Variants in LAMA3 observed in about 807,000 individuals in gnomAD.
The protein encoded by LAMA3 is laminin subunit alpha-3.
A neutral mutation model predicts 402.0 loss-of-function variants in LAMA3; 281 were observed. That is an observed-to-expected ratio of 0.70 (90% CI 0.63 to 0.77). LAMA3 has a LOEUF of 0.77. Among genes scored for constraint, LAMA3 ranks in the 30% least tolerant of loss-of-function variants. The pLI is 0.00. For synonymous variants in LAMA3, 1,431 were observed against 1,558.4 expected (o/e 0.92, Z 1.93); for missense variants, 3,840 against 4,215.5 (o/e 0.91, Z 2.47).
chr18:23,934,326 C>T (rs889001324), intron 67 of LAMA3, among the ~76,000 whole-genome samples: 2 of 152,104 alleles, frequency 1.3e-5, no homozygotes, highest in African/African-American at 4.8e-5. Context: ...TGACAAGATA[C>T]GTGGTGTACC....
chr18:23,891,212 C>T (rs1297812462), intron 42 of LAMA3, among the ~76,000 whole-genome samples: 2 of 152,136 alleles, frequency 1.3e-5, no homozygotes, highest in African/African-American at 4.8e-5. Flanking sequence ...GATTTTTAGG[C>T]TGACTCAGTG....
chr18:23,773,304 A>G (rs2062241790), intron 8 of LAMA3, among the ~76,000 whole-genome samples, 193 bp from the exon 9 acceptor site: 1 of 152,276 alleles, frequency 6.6e-6, no homozygotes. Context: ...AAAAAATTCC[A>G]GAGCCAAGAT....
intron 1 of LAMA3, among the ~76,000 whole-genome samples, chr18:23,712,950 C>G (rs1265833472): frequency 1.3e-5 from 2 of 151,692 alleles, no homozygotes; most frequent in Non-Finnish European, 2.9e-5. Context: ...ATCCTCTGAC[C>G]CACTTAAAAT....
chr18:23,726,308 G>A (rs1364271075), intron 2 of LAMA3, among the ~76,000 whole-genome samples: 2 of 152,254 alleles, frequency 1.3e-5, no homozygotes, highest in Non-Finnish European at 2.9e-5. Flanking sequence ...GGGCAAGAGC[G>A]CCCAGCCAGA....
chr18:23,741,110 C>T lies in LAMA3; in HGVS notation c.448-6833C>T, dbSNP rs531077440. ...CTGGGGCTACAGGTGCCTGCCACCACGCCTGGCTAATTTTTTTTTGTATTT... is the reference window on the plus strand; with the variant it reads ...CTGGGGCTACAGGTGCCTGCCACCATGCCTGGCTAATTTTTTTTTGTATTT... On this transcript the variant is annotated intron_variant, in intron 2 of 74. Coordinates refer to ENST00000313654, the MANE Select transcript of LAMA3 (RefSeq NM_198129.4). Among the ~76,000 whole-genome samples the T allele has an allele frequency of 2.1e-4, 32 of 152,124 alleles. No individual in the cohort carries two copies. In the South Asian group the frequency reaches 5.6e-3, roughly 27 times the overall value.
chr18:23,814,366 C>G, intron 14 of LAMA3, 37 bp from the exon 15 acceptor site: 2 of 1,430,404 alleles, frequency 1.4e-6, no homozygotes, highest in Non-Finnish European at 2.0e-6. Flanking sequence ...TGTCTTAATT[C>G]CAAGATGTCA....
intron 46 of LAMA3, 61 bp from the exon 47 acceptor site, chr18:23,899,227 T>G (rs1319999124): frequency 1.4e-5 from 21 of 1,476,258 alleles, no homozygotes; most frequent in Admixed American, 3.9e-5. Context: ...CTTTTTTTTT[T>G]TTTAAGTAGC....
chr18:23,842,549 C>T (rs762926329), intron 28 of LAMA3, 28 bp downstream of exon 28: 2 of 1,614,228 alleles, frequency 1.2e-6, no homozygotes, highest in Non-Finnish European at 1.7e-6. Flanking sequence ...GGCCCTGCTG[C>T]CTGCCTCAGG....
chr18:23,735,103 G>T (rs1568126451), intron 2 of LAMA3, among the ~76,000 whole-genome samples: 1 of 152,218 alleles, frequency 6.6e-6, no homozygotes, highest in Non-Finnish European at 1.5e-5. Context: ...GAAGGAAAGG[G>T]TTCCTCGTAG....
At chr18:23,910,957 A>C (rs2081405463) in intron 55 of LAMA3, among the ~76,000 whole-genome samples, 1 of 152,238 alleles carries the variant, frequency 6.6e-6, no homozygotes, top group Non-Finnish European at 1.5e-5. Flanking sequence ...ATGGGAATCC[A>C]GATCCAGAGT....
In LAMA3 at chr18:23,909,188, C is replaced by G; in HGVS notation, c.7051C>G (p.Arg2351Gly). 2 of 1,613,900 alleles carry G rather than the reference C, an allele frequency of 1.2e-6. No individual in the cohort carries two copies. Among genetic ancestry groups the G allele is most frequent in the Non-Finnish European group, 1.7e-6 (2 of 1,179,900 alleles). ...AACCAACAAACTACCTGATCTTTGG[C>G]GCAAGATTGAAAGTATCAACCAACA... ...KLTNKLPDLWRKIESINQQLL... is the reference protein window; with the variant it reads ...KLTNKLPDLWGKIESINQQLL... The change falls in exon 55 of 75, where the codon CGC (arginine) becomes GGC (glycine). Residue 2351 changes from arginine (R) to glycine (G), a missense_variant. Arg to Gly is a moderately radical substitution (Grantham distance 125, BLOSUM62 -2). Transcript: ENST00000313654.
intron 2 of LAMA3, among the ~76,000 whole-genome samples, chr18:23,733,728 G>A (rs762026874): frequency 5.3e-5 from 8 of 152,120 alleles, no homozygotes; most frequent in Non-Finnish European, 1.0e-4. Flanking sequence ...TGAGATTGAG[G>A]GGTTTTGGAG....
intron 25 of LAMA3, among the ~76,000 whole-genome samples, chr18:23,837,570 G>GATATATATATATATAT (rs56179962): frequency 0.065 from 5,411 of 82,902 alleles, 473 homozygotes; most frequent in African/African-American, 0.085. Flanking sequence ...CAGTTAATCA[G>GATATATATATATATAT]ATATATATAT....
intron 37 of LAMA3, among the ~76,000 whole-genome samples, chr18:23,868,626 A>C (rs2064426925): frequency 6.6e-6 from 1 of 152,188 alleles, no homozygotes; most frequent in Admixed American, 6.5e-5. Flanking sequence ...AAACAAACAA[A>C]CAAAAAACCT....
At chr18:23,926,282 C>A (rs2082000070) in intron 62 of LAMA3, among the ~76,000 whole-genome samples, 1 of 152,334 alleles carries the variant, frequency 6.6e-6, no homozygotes, top group Non-Finnish European at 1.5e-5. Context: ...GCCTTTCTCT[C>A]CTACTATTTT....
chr18:23,832,395 A>G (rs2063505622), intron 23 of LAMA3, among the ~76,000 whole-genome samples: 1 of 152,158 alleles, frequency 6.6e-6, no homozygotes, highest in Non-Finnish European at 1.5e-5. Flanking sequence ...CAGAAAAAAA[A>G]ATCACTGTGG....
intron 8 of LAMA3, among the ~76,000 whole-genome samples, chr18:23,767,000 C>T (rs2062089389): frequency 6.6e-6 from 1 of 152,132 alleles, no homozygotes. Context: ...GCTTCTGGAA[C>T]TGATAAACAA....
chr18:23,912,780 T>C lies in LAMA3; in HGVS notation c.7228T>C (p.Leu2410=). 6.2e-7 allele frequency: 1 copy of C among 1,614,080 alleles called. No homozygotes were observed. Among genetic ancestry groups the C allele is most frequent in the Non-Finnish European group, 8.5e-7 (1 of 1,179,916 alleles). The stretch of plus-strand genomic sequence containing the variant: ...CCGACTGCCAAATGACCTGGAAGAT[T>C]TGAAAGGATATACATCTCTGTCCTT... ...EVRLPNDLED[L]KGYTSLSLFL... Residue 2410 remains leucine (L), a synonymous_variant, in exon 56 of 75, where the codon TTG becomes CTG. Coordinates refer to ENST00000313654, the MANE Select transcript of LAMA3 (RefSeq NM_198129.4).
chr18:23,839,528 A>G lies in LAMA3; in HGVS notation c.3192-257A>G, dbSNP rs1042758536. Reference sequence around the variant, plus strand: ...TTTAGTTTTGGAAAGGGAAGTTTCCATAAGTTTCTATCTAACTTACTTTAC... The same window carrying G: ...TTTAGTTTTGGAAAGGGAAGTTTCCGTAAGTTTCTATCTAACTTACTTTAC... On this transcript the variant is annotated intron_variant, in intron 26 of 74. Transcript: ENST00000313654. The surrounding 1 kb of genome is among the most constrained non-coding windows in gnomAD (Gnocchi z 4.5). 6.6e-6 allele frequency among the ~76,000 whole-genome samples: 1 copy of G among 152,248 alleles called. No homozygotes were observed. The highest frequency in any genetic ancestry group is 1.5e-5 in the Non-Finnish European group (1 of 68,044).
Sources: allele counts gnomAD v4.1 joint callset (sites outside exome capture counted in the v4.1 genomes callset), GRCh38; gene constraint gnomAD v4.1.1; non-coding constraint Gnocchi (gnomAD v3.1); transcripts MANE v1.5; gene names NCBI Gene and HGNC (gene_info 2026-07-23, HGNC 2026-07-21).